NCOA2: variants seen among roughly 807,000 people sequenced by gnomAD.
The protein encoded by NCOA2 is class E basic helix-loop-helix protein 75.
NCOA2 carries 21 observed loss-of-function variants against 145.1 expected under a neutral mutation model. The ratio of observed to expected loss-of-function variants is 0.14; its 90% CI spans 0.10 to 0.21. NCOA2 has a LOEUF of 0.21. Among genes scored for constraint, NCOA2 ranks in the 10% least tolerant of loss-of-function variants. NCOA2 has a pLI of 1.00. For missense variants in NCOA2, 1,472 were observed against 1,837.6 expected, an observed-to-expected ratio of 0.80 and a Z score of 3.64; for synonymous variants, 619 against 637.5, an observed-to-expected ratio of 0.97 and a Z score of 0.44.
chr8:70,347,616 C>T (rs1563790363), intron 1 of NCOA2, among the ~76,000 whole-genome samples: 2 of 152,038 alleles, frequency 1.3e-5, no homozygotes, highest in Non-Finnish European at 2.9e-5. Flanking sequence ...GCCATGATTG[C>T]ACCATTGCAC....
chr8:70,223,708 T>A (rs1420709741), intron 2 of NCOA2, among the ~76,000 whole-genome samples: 2 of 152,162 alleles, frequency 1.3e-5, no homozygotes, highest in Non-Finnish European at 2.9e-5. Flanking sequence ...AGCCTGATTA[T>A]CACCATTGTA....
the NCOA2 span, among the ~76,000 whole-genome samples, chr8:70,447,425 G>A: frequency 0.18 from 27,090 of 152,052 alleles, 2,965 homozygotes; most frequent in Admixed American, 0.34. Context: ...TCCCAATTTA[G>A]AAAGCAGTAG....
At chr8:70,424,335 G>C in the NCOA2 span, 1 of 374,456 alleles carries the variant, frequency 2.7e-6, no homozygotes, top group Non-Finnish European at 5.2e-6. Flanking sequence ...GCCTGTTCAA[G>C]AACCAGTTGG....
Position 70,140,318 on chromosome 8 carries a change from T to G in NCOA2, c.3028+866A>C, listed in dbSNP as rs142444364. On this transcript the variant is annotated intron_variant, in intron 14 of 22. Coordinates refer to ENST00000452400, the MANE Select transcript of NCOA2 (RefSeq NM_006540.4). Reference sequence around the variant, plus strand: ...CCTAGGTAACCACTACTTTACTTTCTGTCCCTACAGATTTGCTCATTCTGG... The same window carrying G: ...CCTAGGTAACCACTACTTTACTTTCGGTCCCTACAGATTTGCTCATTCTGG... Among the ~76,000 whole-genome samples, 13 of 152,346 alleles carry G rather than the reference T, an allele frequency of 8.5e-5. No individual in the cohort carries two copies. The Middle Eastern group carries it at 0.014, about 159-fold the overall frequency.
rs144390902 is a variant in NCOA2 at position 70,180,012 on chromosome 8, C to T, written c.260-5153G>A. Among the ~76,000 whole-genome samples, 282 of 152,266 alleles carry T rather than the reference C, an allele frequency of 1.9e-3. 1 individual carries two copies. The highest frequency in any genetic ancestry group is 3.1e-3 in the Non-Finnish European group (213 of 68,020). Reference sequence around the variant, plus strand: ...CCCAGGCTGGTCTTGAACTCCTGGGCTCAAGCAATCTTCTCGCCTTGGCCT... The same window carrying T: ...CCCAGGCTGGTCTTGAACTCCTGGGTTCAAGCAATCTTCTCGCCTTGGCCT... On this transcript the variant is annotated intron_variant, in intron 4 of 22. Transcript: ENST00000452400.
intron 2 of NCOA2, among the ~76,000 whole-genome samples, chr8:70,288,049 G>C (rs1200761838): frequency 6.6e-6 from 1 of 152,082 alleles, no homozygotes; most frequent in African/African-American, 2.4e-5. Context: ...AAATCACTGG[G>C]CAAGTTATTT....
At chr8:70,127,695 A>T (rs1808594594) in intron 18 of NCOA2, among the ~76,000 whole-genome samples, 1 of 152,180 alleles carries the variant, frequency 6.6e-6, no homozygotes, top group African/African-American at 2.4e-5. Flanking sequence ...CTACTCAGTA[A>T]AATTTATTTG....
intron 16 of NCOA2, among the ~76,000 whole-genome samples, chr8:70,130,673 T>C (rs2131558532): frequency 6.6e-6 from 1 of 152,338 alleles, no homozygotes; most frequent in East Asian, 1.9e-4. Flanking sequence ...AGACTAATTT[T>C]AATGTTTCAG....
chr8:70,229,574 A>G (rs961197114), intron 2 of NCOA2, among the ~76,000 whole-genome samples: 1 of 152,136 alleles, frequency 6.6e-6, no homozygotes, highest in African/African-American at 2.4e-5. Flanking sequence ...GCATGCTGGG[A>G]TGACCATGGG....
chr8:70,165,464 C>A (rs748415782), intron 7 of NCOA2, among the ~76,000 whole-genome samples: 7 of 152,156 alleles, frequency 4.6e-5, no homozygotes, highest in Non-Finnish European at 1.0e-4. Context: ...TAGGAGTTGG[C>A]CTGTCTGATT....
intron 1 of NCOA2, among the ~76,000 whole-genome samples, chr8:70,395,756 CA>C (rs1813607055): frequency 6.6e-6 from 1 of 152,140 alleles, no homozygotes; most frequent in Non-Finnish European, 1.5e-5. Context: ...ACGGGGACTT[CA>C]ATGGGCAGAG....
chr8:70,400,596 G>A (rs1010583296), intron 1 of NCOA2, among the ~76,000 whole-genome samples: 13 of 152,254 alleles, frequency 8.5e-5, no homozygotes, highest in African/African-American at 3.1e-4. Flanking sequence ...AATTTTGAAT[G>A]TTGTTTTTAA....
At chr8:70,226,473 T>C (rs1413737754) in intron 2 of NCOA2, among the ~76,000 whole-genome samples, 4 of 152,054 alleles carry the variant, frequency 2.6e-5, no homozygotes, top group Non-Finnish European at 2.9e-5. Context: ...GGGAAACCTA[T>C]ACTGTACTAA....
intron 22 of NCOA2, among the ~76,000 whole-genome samples, chr8:70,114,521 T>C (rs926220428): frequency 2.0e-5 from 3 of 152,258 alleles, no homozygotes; most frequent in Non-Finnish European, 4.4e-5. Context: ...TAATTCAGCA[T>C]CTATTACATG....
chr8:70,193,244 T>C (rs960525991), intron 4 of NCOA2, among the ~76,000 whole-genome samples: 1 of 152,150 alleles, frequency 6.6e-6, no homozygotes, highest in African/African-American at 2.4e-5. Flanking sequence ...TTAGATGCAA[T>C]ATTGATAACA....
chr8:70,309,755 A>G (rs1828165664), intron 1 of NCOA2, among the ~76,000 whole-genome samples: 1 of 152,120 alleles, frequency 6.6e-6, no homozygotes, highest in South Asian at 2.1e-4. Context: ...GTTCCAGACC[A>G]GCATGGGCAA....
chr8:70,296,781 T>C lies in NCOA2; in HGVS notation c.-57A>G, dbSNP rs1827119982. 1 of 152,180 alleles carries C rather than the reference T, an allele frequency of 6.6e-6. No homozygotes were observed. The highest frequency in any genetic ancestry group is 2.4e-5 in the African/African-American group (1 of 41,448). 9.4% of individuals were successfully genotyped at this position (152,180 alleles called of 1,614,324 possible). A position where few individuals can be genotyped will look rare whatever the true frequency, so the allele number is the denominator to read the frequency against. The stretch of plus-strand genomic sequence containing the variant: ...ACAGTGCAGAAGATCTATAAGTGTG[T>C]AGCCAAATCCAAGAGAAATCTGTAA... On this transcript the variant is annotated 5_prime_UTR_variant, in exon 2 of 23. Transcript: ENST00000452400.
chr8:70,217,378 C>T (rs1404799476), intron 2 of NCOA2, among the ~76,000 whole-genome samples: 1 of 152,180 alleles, frequency 6.6e-6, no homozygotes, highest in Non-Finnish European at 1.5e-5. Context: ...GGCTCTCCTG[C>T]AGCAGCTGCC....
upstream of NCOA2, among the ~76,000 whole-genome samples, chr8:70,404,130 A>G (rs1814644293): frequency 6.6e-6 from 1 of 152,196 alleles, no homozygotes; most frequent in Non-Finnish European, 1.5e-5. Context: ...TCCTCTGAGA[A>G]GGCGGCCCGG....
Sources: gnomAD v4.1 joint callset for allele counts (sites outside exome capture counted in the v4.1 genomes callset) on GRCh38, gnomAD v4.1.1 for gene constraint, MANE v1.5 for transcripts, NCBI Gene and HGNC (gene_info 2026-07-23, HGNC 2026-07-21) for gene names.